TRRAP: variants seen among roughly 807,000 people sequenced by gnomAD.
The protein encoded by TRRAP is transformation/transcription domain-associated protein.
Under a neutral mutation model 438.8 loss-of-function variants are expected in TRRAP, and 41 were observed. That is an observed-to-expected ratio of 0.09 (90% confidence interval 0.07 to 0.12). The LOEUF is 0.12. TRRAP is among the 10% of genes least tolerant of loss of function. The pLI, the probability that TRRAP is intolerant of heterozygous loss-of-function variation, is 1.00. For missense variants in TRRAP, 3,122 were observed against 5,055.1 expected (o/e 0.62, Z 11.60); for synonymous variants, 1,994 against 1,962.9 (o/e 1.02, Z -0.42).
At chr7:98,992,957 G>A (rs1793494516) in intron 65 of TRRAP, among the ~76,000 whole-genome samples, 1 of 152,136 alleles carries the variant, frequency 6.6e-6, no homozygotes, top group Non-Finnish European at 1.5e-5. Context: ...TTAGTTTTAA[G>A]ACTAAGTGTA....
rs1554416681 is a variant in TRRAP at position 98,945,922 on chromosome 7, T to C, written c.4528-8T>C. 5 of 1,509,528 alleles carry C rather than the reference T, an allele frequency of 3.3e-6. No individual in the cohort carries two copies. Among genetic ancestry groups the C allele is most frequent in the Non-Finnish European group, 4.4e-6 (5 of 1,130,246 alleles). 93.5% of individuals were successfully genotyped at this position (1,509,528 alleles called of 1,614,324 possible). A position where few individuals can be genotyped will look rare whatever the true frequency, so the allele number is the denominator to read the frequency against. On this transcript the variant is annotated splice_polypyrimidine_tract_variant and splice_region_variant and intron_variant, in intron 32 of 72. Coordinates refer to ENST00000456197, the MANE Select transcript of TRRAP (RefSeq NM_001375524.1). ...TTTTTTCATGCTGTAATTTTTGTTT[T>C]GGTTCAGCCTGCCATGGAAGGGGTA...
At chr7:98,975,664 C>G (rs1011475517) in intron 53 of TRRAP, among the ~76,000 whole-genome samples, 2 of 152,244 alleles carry the variant, frequency 1.3e-5, no homozygotes, top group Non-Finnish European at 1.5e-5. Flanking sequence ...TCTCCTGCCT[C>G]TTGTCCACTG....
At chr7:98,988,713 A>C (rs1793258058) in intron 62 of TRRAP, 52 bp from the exon 63 acceptor site, 1 of 1,586,954 alleles carries the variant, frequency 6.3e-7, no homozygotes, top group South Asian at 1.1e-5. Flanking sequence ...GATTACGTGA[A>C]GCTCGCTTCA....
At chr7:98,938,047 A>G (rs1460019391) in intron 30 of TRRAP, among the ~76,000 whole-genome samples, 1 of 152,100 alleles carries the variant, frequency 6.6e-6, no homozygotes, top group Non-Finnish European at 1.5e-5. Flanking sequence ...GGCAGCGTGC[A>G]TCTGTAATCC....
chr7:98,966,995 A>G (rs1369274940), intron 49 of TRRAP, 46 bp from the exon 50 acceptor site: 2 of 1,579,488 alleles, frequency 1.3e-6, no homozygotes, highest in Non-Finnish European at 1.7e-6. Context: ...ACTAGAGCAG[A>G]TGGTTGAAAT....
At chr7:98,936,308 C>A (rs1790554166) in intron 28 of TRRAP, among the ~76,000 whole-genome samples, 1 of 152,104 alleles carries the variant, frequency 6.6e-6, no homozygotes, top group African/African-American at 2.4e-5. Flanking sequence ...GACCATAATA[C>A]CTGAGCTAGA....
chr7:98,950,874 A>T lies in TRRAP; in HGVS notation c.5335-2A>T. On this transcript the variant is annotated splice_acceptor_variant, in intron 38 of 72. Transcript: ENST00000456197. LOFTEE classifies it high-confidence loss of function. Reference sequence around the variant, plus strand: ...CCTTCTTTATTTAAATTTTTTTTGTAGGTTCTGCAGCATATCTTGAATCCT... The same window carrying T: ...CCTTCTTTATTTAAATTTTTTTTGTTGGTTCTGCAGCATATCTTGAATCCT... 1 of 1,523,876 alleles carries T rather than the reference A, an allele frequency of 6.6e-7. No individual in the cohort carries two copies. Among genetic ancestry groups the T allele is most frequent in the Admixed American group, 2.3e-5 (1 of 42,872 alleles). 94.4% of individuals were successfully genotyped at this position (1,523,876 alleles called of 1,614,324 possible).
rs1359995268 is a variant in TRRAP at position 98,892,356 on chromosome 7, G to A, written c.262-68G>A. On this transcript the variant is annotated intron_variant, in intron 4 of 72. Coordinates refer to ENST00000456197, the MANE Select transcript of TRRAP (RefSeq NM_001375524.1). ...AACAGCTGTGTGACACTTGCAGAGT[G>A]TGAGATAATTAATTTGGAACCCTTG... is the stretch of plus-strand genomic sequence containing the variant. The A allele has an allele frequency of 3.1e-6, 4 of 1,296,262 alleles. No individual in the cohort carries two copies. In the African/African-American group the frequency reaches 4.4e-5, roughly 14 times the overall value. The allele number at this position is 1,296,262 out of a possible 1,614,324, so 80.3% of individuals were successfully genotyped here.
At chr7:98,920,845 A>T (rs1789755001) in intron 20 of TRRAP, among the ~76,000 whole-genome samples, 1 of 146,478 alleles carries the variant, frequency 6.8e-6, no homozygotes, top group Non-Finnish European at 1.5e-5. Flanking sequence ...CTCCCCACCC[A>T]TTTTTTTTTT....
chr7:98,966,307 G>GA (rs930701243), intron 49 of TRRAP, among the ~76,000 whole-genome samples: 25 of 143,232 alleles, frequency 1.7e-4, no homozygotes, highest in African/African-American at 1.8e-4. Flanking sequence ...CTCTGTCTTG[G>GA]AAAAAAAAAA....
Position 98,910,547 on chromosome 7 carries a change from A to C in TRRAP, c.1752A>C (p.Lys584Asn). ...TTCCCAACAAGCAGTTACAACCCAA[A>C]GAGACACAGATTTACATCAAACTTG... ...QFIPNKQLQP[K>N]ETQIYIKLVK... Residue 584 changes from lysine (K) to asparagine (N), a missense_variant, in exon 16 of 73, where the codon AAA becomes AAC. Lys to Asn is a moderately conservative substitution (Grantham distance 94). Around this residue, in one of 24 missense-constraint regions of TRRAP, gnomAD observed 149 missense variants for 302.8 expected, o/e 0.49. Coordinates refer to ENST00000456197, the MANE Select transcript of TRRAP (RefSeq NM_001375524.1). The C allele has an allele frequency of 6.2e-7, 1 of 1,614,120 alleles. No individual in the cohort carries two copies. Among genetic ancestry groups the C allele is most frequent in the Non-Finnish European group, 8.5e-7 (1 of 1,180,024 alleles).
At position 98,978,925 on chromosome 7, in the gene TRRAP, C is replaced by T. The variant is rs762572242; in HGVS notation, c.8634+21C>T. On this transcript the variant is annotated intron_variant, in intron 58 of 72. Coordinates refer to ENST00000456197, the MANE Select transcript of TRRAP (RefSeq NM_001375524.1). ...TGCAGGTGAGACGCCCCGGGGGCAT[C>T]CCTGCCGCTGCCTGGGTCCCTTTTC... The T allele has an allele frequency of 6.2e-6, 10 of 1,612,654 alleles. No individual in the cohort carries two copies. The South Asian group carries it at 1.1e-4, about 18-fold the overall frequency.
chr7:98,897,637 C>A, intron 7 of TRRAP, 104 bp from the exon 8 acceptor site: 1 of 1,416,590 alleles, frequency 7.1e-7, no homozygotes, highest in South Asian at 1.4e-5. Flanking sequence ...TGTTTTTTTC[C>A]ACCAAAGAGT....
At chr7:98,929,730 A>T (rs189122549) in intron 23 of TRRAP, among the ~76,000 whole-genome samples, 1 of 151,968 alleles carries the variant, frequency 6.6e-6, no homozygotes, top group African/African-American at 2.4e-5. Flanking sequence ...AGTAGCTGGG[A>T]TTACAGGCGC....
At position 98,911,865 on chromosome 7, in the gene TRRAP, A is replaced by G. The variant is rs150862413; in HGVS notation, c.2008-157A>G. Among the ~76,000 whole-genome samples, 939 of 152,266 alleles carry G rather than the reference A, an allele frequency of 6.2e-3. 10 individuals carry two copies. The highest frequency in any genetic ancestry group is 0.021 in the African/African-American group (875 of 41,540). On this transcript the variant is annotated intron_variant, in intron 17 of 72. Transcript: ENST00000456197. The stretch of plus-strand genomic sequence containing the variant: ...AAGTGAACTGCCCTGCTCAGTGCTC[A>G]GTAAACCCGTTTCATTTTTTTCCTT...
In TRRAP at chr7:98,931,469, C is replaced by T. The variant is rs188446716; in HGVS notation, c.3656C>T (p.Thr1219Met). Residue 1219 changes from threonine to methionine, a missense_variant, in exon 26 of 73, where the codon ACG becomes ATG. Thr to Met is a moderately conservative substitution (Grantham distance 81, BLOSUM62 -1). Transcript: ENST00000456197. ...TLEQLLMRCA[T>M]PLKDEERAEE... ...GAGCAGCTTCTGATGCGGTGCGCAA[C>T]GCCTTTAAAAGACGAGGAGAGAGCC... The T allele has an allele frequency of 1.4e-5, 23 of 1,614,146 alleles. No homozygotes were observed. The highest frequency in any genetic ancestry group is 6.7e-5 in the African/African-American group (5 of 75,062).
chr7:98,947,541 C>T (rs1554417135), intron 33 of TRRAP, among the ~76,000 whole-genome samples: 5 of 151,846 alleles, frequency 3.3e-5, no homozygotes, highest in South Asian at 2.1e-4. Flanking sequence ...CTGTAACCTC[C>T]GCCTCCTGGG....
chr7:98,932,647 A>C (rs1790375288), intron 26 of TRRAP, among the ~76,000 whole-genome samples: 1 of 152,146 alleles, frequency 6.6e-6, no homozygotes, highest in Non-Finnish European at 1.5e-5. Context: ...CCTATCCTTA[A>C]ATTTTTATGG....
At position 98,910,217 on chromosome 7, in the gene TRRAP, TGCCCCACCTCCACCCCC is replaced by T; in HGVS notation, c.1518_1534del (p.Pro507ThrfsTer60). ...CTGCTCCCTCCCCAGCCCCTGTCCC[TGCCCCACCTCCACCCCC>T]GCCCCCACCCCCACCTGCCACCCCT... is the stretch of plus-strand genomic sequence containing the variant. On this transcript the variant is annotated frameshift_variant, in exon 15 of 73. Coordinates refer to ENST00000456197, the MANE Select transcript of TRRAP (RefSeq NM_001375524.1). LOFTEE classifies it high-confidence loss of function. 1.9e-6 allele frequency: 2 copies of T among 1,045,572 alleles called. No individual in the cohort carries two copies. The highest frequency in any genetic ancestry group is 1.7e-5 in the South Asian group (1 of 57,706). The allele number at this position is 1,045,572 out of a possible 1,614,324, so 64.8% of individuals were successfully genotyped here.
Sources: gnomAD v4.1 joint callset for allele counts (sites outside exome capture counted in the v4.1 genomes callset) on GRCh38, gnomAD v4.1.1 for gene constraint, gnomAD v4.1.1 regional missense constraint, MANE v1.5 for transcripts, NCBI Gene and HGNC (gene_info 2026-07-23, HGNC 2026-07-21) for gene names.